NR3C2: variants seen among roughly 807,000 people sequenced by gnomAD.
NR3C2 encodes the protein nuclear receptor subfamily 3 group C member 2, also known as mineralocorticoid receptor.
A neutral mutation model predicts 86.4 loss-of-function variants in NR3C2; 15 were observed. That is an observed-to-expected ratio of 0.17 (90% CI 0.12 to 0.27). The LOEUF is 0.27. Among genes scored for constraint, NR3C2 ranks in the 10% least tolerant of loss-of-function variants. NR3C2 has a pLI of 1.00. For missense variants in NR3C2, 960 were observed against 1,195.6 expected (o/e 0.80, Z 2.91); for synonymous variants, 458 against 450.5 (o/e 1.02, Z -0.21).
intron 2 of NR3C2, among the ~76,000 whole-genome samples, chr4:148,330,927 C>T (rs555363626): frequency 2.0e-5 from 3 of 152,278 alleles, no homozygotes; most frequent in Non-Finnish European, 2.9e-5. Context: ...ACCTACTCCA[C>T]CTTCACCTTC....
intron 2 of NR3C2, among the ~76,000 whole-genome samples, chr4:148,270,319 A>T (rs752301016): frequency 6.6e-6 from 1 of 152,160 alleles, no homozygotes; most frequent in African/African-American, 2.4e-5. Flanking sequence ...GAGACACAAG[A>T]ACACAGACAC....
At chr4:148,324,828 G>C (rs2149960241) in intron 2 of NR3C2, among the ~76,000 whole-genome samples, 1 of 152,178 alleles carries the variant, frequency 6.6e-6, no homozygotes, top group Admixed American at 6.5e-5. Context: ...GCTGGGAATG[G>C]GGGGAAGAAT....
At chr4:148,160,941 C>T (rs1734628699) in intron 4 of NR3C2, among the ~76,000 whole-genome samples, 1 of 152,146 alleles carries the variant, frequency 6.6e-6, no homozygotes, top group African/African-American at 2.4e-5. Flanking sequence ...AAGGAGTACT[C>T]TCAAAGATAG....
chr4:148,260,207 T>C, intron 2 of NR3C2, 90 bp from the exon 3 acceptor site: 3 of 1,521,012 alleles, frequency 2.0e-6, no homozygotes, highest in African/African-American at 1.4e-5. Flanking sequence ...TCAATAATCA[T>C]GGTTCGATAC....
chr4:148,417,856 C>T (rs541735515), intron 2 of NR3C2, among the ~76,000 whole-genome samples: 1 of 152,262 alleles, frequency 6.6e-6, no homozygotes, highest in Admixed American at 6.5e-5. Context: ...CAATCACCTG[C>T]TTAACAGTGC....
intron 8 of NR3C2, among the ~76,000 whole-genome samples, chr4:148,107,290 G>A (rs146053447): frequency 0.021 from 3,263 of 152,178 alleles, 97 homozygotes; most frequent in African/African-American, 0.074. Context: ...TAAAAACCAC[G>A]ATGAGATACC....
At chr4:148,327,912 T>C (rs1744046740) in intron 2 of NR3C2, among the ~76,000 whole-genome samples, 2 of 152,236 alleles carry the variant, frequency 1.3e-5, no homozygotes, top group African/African-American at 4.8e-5. Flanking sequence ...TGCATATTAA[T>C]GGCAAGGTGC....
chr4:148,090,992 G>A (rs1034677988), intron 8 of NR3C2, among the ~76,000 whole-genome samples: 59 of 152,362 alleles, frequency 3.9e-4, no homozygotes, highest in Admixed American at 1.3e-3. Flanking sequence ...GTGGATGGGG[G>A]TGGTGTCACC....
intron 2 of NR3C2, among the ~76,000 whole-genome samples, chr4:148,379,274 T>C (rs183063488): frequency 4.3e-4 from 65 of 151,972 alleles, no homozygotes; most frequent in Admixed American, 1.1e-3. Flanking sequence ...ATACCAGAAA[T>C]GCTCAAATTG....
intron 6 of NR3C2, among the ~76,000 whole-genome samples, chr4:148,126,996 A>G (rs1368814764): frequency 6.6e-6 from 1 of 152,178 alleles, no homozygotes; most frequent in Non-Finnish European, 1.5e-5. Context: ...AGAGTCATAC[A>G]ACTCTATTCA....
At chr4:148,158,370 C>G (rs1478020456) in intron 4 of NR3C2, among the ~76,000 whole-genome samples, 2 of 152,204 alleles carry the variant, frequency 1.3e-5, no homozygotes, top group Non-Finnish European at 1.5e-5. Flanking sequence ...TAGATAAACT[C>G]TCCTCTAAGT....
intron 2 of NR3C2, among the ~76,000 whole-genome samples, chr4:148,328,150 G>A (rs1353603473): frequency 3.3e-5 from 5 of 152,182 alleles, no homozygotes; most frequent in Non-Finnish European, 5.9e-5. Context: ...TGAGGAAAGA[G>A]GTGGCAGCAG....
At chr4:148,405,734 C>T (rs560039758) in intron 2 of NR3C2, among the ~76,000 whole-genome samples, 9 of 152,332 alleles carry the variant, frequency 5.9e-5, no homozygotes, top group East Asian at 1.9e-4. Flanking sequence ...CTGCTTCATA[C>T]GCAAAGGGCA....
chr4:148,410,730 A>C (rs576442278), intron 2 of NR3C2, among the ~76,000 whole-genome samples: 3 of 152,290 alleles, frequency 2.0e-5, no homozygotes, highest in African/African-American at 7.2e-5. Flanking sequence ...AGAGGTGAAA[A>C]AAGGTCACTC....
At chr4:148,187,104 C>T (rs1174156613) in intron 4 of NR3C2, among the ~76,000 whole-genome samples, 1 of 143,586 alleles carries the variant, frequency 7.0e-6, no homozygotes, top group Non-Finnish European at 1.5e-5. Context: ...GTTTCTTTAT[C>T]CACTTGTTGA....
intron 3 of NR3C2, among the ~76,000 whole-genome samples, chr4:148,220,704 G>A (rs1737792770): frequency 6.6e-6 from 1 of 152,198 alleles, no homozygotes; most frequent in Admixed American, 6.5e-5. Context: ...ACTGAGGGGG[G>A]AGGATGGCTT....
intron 2 of NR3C2, among the ~76,000 whole-genome samples, chr4:148,434,036 T>C (rs577734515): frequency 3.3e-5 from 5 of 152,130 alleles, no homozygotes; most frequent in East Asian, 1.9e-4. Flanking sequence ...TGGAAAAAAA[T>C]AGAATAAGAG....
chr4:148,310,059 C>T (rs929759704), intron 2 of NR3C2, among the ~76,000 whole-genome samples: 5 of 152,008 alleles, frequency 3.3e-5, no homozygotes, highest in African/African-American at 9.7e-5. Context: ...TGAATGAATA[C>T]GATATAATTA....
chr4:148,331,482 C>T (rs1401901717), intron 2 of NR3C2, among the ~76,000 whole-genome samples: 1 of 152,134 alleles, frequency 6.6e-6, no homozygotes, highest in Non-Finnish European at 1.5e-5. Flanking sequence ...AGTAAAGACA[C>T]ATCAATTAGA....
Sources: allele counts gnomAD v4.1 joint callset (sites outside exome capture counted in the v4.1 genomes callset), GRCh38; gene constraint gnomAD v4.1.1; transcripts MANE v1.5; gene names NCBI Gene and HGNC (gene_info 2026-07-23, HGNC 2026-07-21).